Variants in BTBD9 observed in about 807,000 individuals in gnomAD.
BTBD9 encodes the protein BTB/POZ domain-containing protein 9.
A neutral mutation model predicts 64.3 loss-of-function variants in BTBD9; 49 were observed. The observed-to-expected ratio is 0.76, with a 90% CI of 0.61 to 0.97. BTBD9 has a LOEUF of 0.97. Among genes scored for constraint, BTBD9 ranks in the 50% least tolerant of loss-of-function variants. The pLI is 0.00. For synonymous variants in BTBD9, 260 were observed against 274.7 expected, an observed-to-expected ratio of 0.95 and a Z score of 0.53; for missense variants, 598 against 762.1, an observed-to-expected ratio of 0.78 and a Z score of 2.53.
At chr6:38,411,858 A>C (rs1246687168) in intron 6 of BTBD9, among the ~76,000 whole-genome samples, 1 of 152,036 alleles carries the variant, frequency 6.6e-6, no homozygotes, top group Non-Finnish European at 1.5e-5. Context: ...GATCGATAGA[A>C]CCCAGGAGGC....
intron 10 of BTBD9, among the ~76,000 whole-genome samples, chr6:38,182,366 C>T (rs574286029): frequency 2.0e-5 from 3 of 152,272 alleles, no homozygotes; most frequent in African/African-American, 4.8e-5. Context: ...ACTTTCTTGT[C>T]TTAATGGATT....
intron 6 of BTBD9, among the ~76,000 whole-genome samples, chr6:38,414,463 C>T (rs561463677): frequency 3.9e-5 from 6 of 152,254 alleles, no homozygotes; most frequent in African/African-American, 1.4e-4. Context: ...CATTTTTCCC[C>T]CAACCATATA....
At chr6:38,387,087 CA>C (rs1256320498) in intron 6 of BTBD9, among the ~76,000 whole-genome samples, 1 of 152,180 alleles carries the variant, frequency 6.6e-6, no homozygotes, top group African/African-American at 2.4e-5. Context: ...GCAGGTAGAA[CA>C]AGGAAGCACT....
chr6:38,288,297 G>T lies in BTBD9; in HGVS notation c.1429C>A (p.Gln477Lys). The T allele has an allele frequency of 6.2e-7, 1 of 1,614,148 alleles. No homozygotes were observed. Among genetic ancestry groups the T allele is most frequent in the Non-Finnish European group, 8.5e-7 (1 of 1,179,978 alleles). Residue 477 changes from glutamine to lysine, a missense_variant, in exon 8 of 11, where the codon CAA (glutamine) becomes AAA (lysine). Coordinates refer to ENST00000481247, the MANE Select transcript of BTBD9 (RefSeq NM_001099272.2). ...CGTATTGACCCAATCATGTACGGTT[G>T]TGCCAACTGAACCACAATCGCACCA... The part of the protein sequence containing the change: ...GSGAIVVQLA[Q>K]PYMIGSIRLL...
chr6:38,195,626 C>T (rs1379182156), intron 9 of BTBD9, among the ~76,000 whole-genome samples: 6 of 152,178 alleles, frequency 3.9e-5, no homozygotes, highest in South Asian at 2.1e-4. Flanking sequence ...GAAATAACAC[C>T]AGTCACCTGC....
At chr6:38,583,355 C>T (rs1457432492) in intron 4 of BTBD9, among the ~76,000 whole-genome samples, 1 of 152,040 alleles carries the variant, frequency 6.6e-6, no homozygotes, top group Non-Finnish European at 1.5e-5. Context: ...CAAAATTAGC[C>T]AGGTGTGGTG....
intron 6 of BTBD9, among the ~76,000 whole-genome samples, chr6:38,564,733 A>G (rs1775409349): frequency 6.6e-6 from 1 of 151,994 alleles, no homozygotes; most frequent in Non-Finnish European, 1.5e-5. Flanking sequence ...CTAAAAATAC[A>G]AAAACAAAAT....
Position 38,369,336 on chromosome 6 carries a change from C to A in BTBD9, c.1155-24243G>T, listed in dbSNP as rs577324995. On this transcript the variant is annotated intron_variant, in intron 6 of 10. Coordinates refer to ENST00000481247, the MANE Select transcript of BTBD9 (RefSeq NM_001099272.2). The stretch of plus-strand genomic sequence containing the variant: ...TTCAATGACCAAGCCCCTGAAGAAA[C>A]ACAAATATACAAATGGGCTTCCAGG... Among the ~76,000 whole-genome samples, 11 of 152,274 alleles carry A rather than the reference C, an allele frequency of 7.2e-5. No homozygotes were observed. The South Asian group carries it at 2.3e-3, about 32-fold the overall frequency.
At chr6:38,345,990 C>T (rs1376007479) in intron 6 of BTBD9, among the ~76,000 whole-genome samples, 1 of 152,182 alleles carries the variant, frequency 6.6e-6, no homozygotes, top group African/African-American at 2.4e-5. Flanking sequence ...CACCGTCTTA[C>T]TGGAATTCAA....
intron 7 of BTBD9, among the ~76,000 whole-genome samples, chr6:38,294,397 C>A (rs962708259): frequency 2.6e-5 from 4 of 152,130 alleles, no homozygotes; most frequent in Admixed American, 6.6e-5. Flanking sequence ...AGACTTGGAA[C>A]CAACCCAAAT....
At chr6:38,513,291 C>CA (rs1177694056) in intron 6 of BTBD9, among the ~76,000 whole-genome samples, 2 of 151,726 alleles carry the variant, frequency 1.3e-5, no homozygotes, top group Non-Finnish European at 2.9e-5. Flanking sequence ...ACTAAAAATA[C>CA]AAAAAAATTA....
intron 4 of BTBD9, among the ~76,000 whole-genome samples, chr6:38,582,153 A>T (rs1294707860): frequency 6.6e-6 from 1 of 152,190 alleles, no homozygotes; most frequent in Non-Finnish European, 1.5e-5. Context: ...TTTAAAATGG[A>T]AGCAAAAGAC....
chr6:38,235,714 G>GT (rs1763754112), intron 9 of BTBD9, among the ~76,000 whole-genome samples: 1 of 152,156 alleles, frequency 6.6e-6, no homozygotes, highest in Non-Finnish European at 1.5e-5. Context: ...AGAGATATCT[G>GT]TAACTGACAC....
intron 6 of BTBD9, among the ~76,000 whole-genome samples, chr6:38,509,621 T>C (rs536924317): frequency 1.3e-5 from 2 of 152,206 alleles, no homozygotes; most frequent in Admixed American, 6.5e-5. Flanking sequence ...CACAATACTT[T>C]AGTAGCAAGC....
In BTBD9 at chr6:38,282,642, C is replaced by T. The variant is rs548446144; in HGVS notation, c.1454+5630G>A. Among the ~76,000 whole-genome samples, 4 of 152,248 alleles carry T rather than the reference C, an allele frequency of 2.6e-5. No individual in the cohort carries two copies. The East Asian group carries it at 7.7e-4, about 29-fold the overall frequency. ...CAAAGCTATCTCTCAGCTGGCCATG[C>T]TATCCCCTCCCTCCTGCTCCAGCCA... On this transcript the variant is annotated intron_variant, in intron 8 of 10. Coordinates refer to ENST00000481247, the MANE Select transcript of BTBD9 (RefSeq NM_001099272.2).
intron 6 of BTBD9, among the ~76,000 whole-genome samples, chr6:38,548,680 A>T (rs1398504677): frequency 6.6e-6 from 1 of 152,228 alleles, no homozygotes; most frequent in East Asian, 1.9e-4. Context: ...AAAAAGAAAC[A>T]GTGTACTAAG....
chr6:38,331,043 A>C (rs1332510246), intron 7 of BTBD9, among the ~76,000 whole-genome samples: 2 of 152,246 alleles, frequency 1.3e-5, no homozygotes, highest in Non-Finnish European at 2.9e-5. Context: ...AATGACTGAT[A>C]GGAATAACTC....
At chr6:38,424,372 A>G (rs773314909) in intron 6 of BTBD9, among the ~76,000 whole-genome samples, 8 of 151,952 alleles carry the variant, frequency 5.3e-5, no homozygotes, top group Non-Finnish European at 8.8e-5. Context: ...AAAAAATATA[A>G]TACCGCCCAA....
At chr6:38,227,741 G>A (rs940235180) in intron 9 of BTBD9, among the ~76,000 whole-genome samples, 1 of 152,196 alleles carries the variant, frequency 6.6e-6, no homozygotes, top group Admixed American at 6.5e-5. Flanking sequence ...AGGGGGCCTG[G>A]GACTGGCATT....
Sources: gnomAD v4.1 joint callset for allele counts (sites outside exome capture counted in the v4.1 genomes callset) on GRCh38, gnomAD v4.1.1 for gene constraint, MANE v1.5 for transcripts, NCBI Gene and HGNC (gene_info 2026-07-23, HGNC 2026-07-21) for gene names.